Variants in CDKAL1 observed in about 807,000 individuals in gnomAD.
CDKAL1 encodes threonylcarbamoyladenosine tRNA methylthiotransferase.
Under a neutral mutation model 68.2 loss-of-function variants are expected in CDKAL1, and 32 were observed. That is an observed-to-expected ratio of 0.47 (90% CI 0.35 to 0.63). The LOEUF is 0.63. Among genes scored for constraint, CDKAL1 ranks in the 30% least tolerant of loss-of-function variants. The pLI is 0.00. For synonymous variants in CDKAL1, 234 were observed against 244.3 expected, an observed-to-expected ratio of 0.96 and a Z score of 0.39; for missense variants, 606 against 696.7, an observed-to-expected ratio of 0.87 and a Z score of 1.47.
intron 5 of CDKAL1, among the ~76,000 whole-genome samples, chr6:20,727,390 TAAG>T (rs889747392): frequency 5.9e-5 from 9 of 152,146 alleles, no homozygotes; most frequent in African/African-American, 2.2e-4. Flanking sequence ...GAATGTGACT[TAAG>T]GACACAGTTA....
intron 6 of CDKAL1, among the ~76,000 whole-genome samples, chr6:20,745,386 C>G (rs1454272323): frequency 6.6e-6 from 1 of 152,160 alleles, no homozygotes; most frequent in Non-Finnish European, 1.5e-5. Context: ...GAGGGCAAGG[C>G]TTGAGGAACG....
chr6:20,926,403 G>T (rs1763189250), intron 9 of CDKAL1, among the ~76,000 whole-genome samples: 1 of 151,926 alleles, frequency 6.6e-6, no homozygotes, highest in South Asian at 2.1e-4. Context: ...AGTGAAAATG[G>T]TTAAAAAAAG....
chr6:21,205,029 G>A (rs1778843162), intron 15 of CDKAL1, among the ~76,000 whole-genome samples: 1 of 152,118 alleles, frequency 6.6e-6, no homozygotes, highest in African/African-American at 2.4e-5. Context: ...CCTCATATCA[G>A]TGGAATCATA....
At chr6:20,571,220 C>T (rs545246086) in intron 4 of CDKAL1, among the ~76,000 whole-genome samples, 44 of 152,298 alleles carry the variant, frequency 2.9e-4, no homozygotes, top group Admixed American at 5.2e-4. Flanking sequence ...ACCTTGTGAT[C>T]TTAGTCAAGC....
intron 5 of CDKAL1, among the ~76,000 whole-genome samples, chr6:20,709,319 T>C (rs1246552183): frequency 1.3e-5 from 2 of 152,048 alleles, no homozygotes; most frequent in Admixed American, 6.6e-5. Flanking sequence ...TTTTAATAGA[T>C]TGAGCATCCC....
At chr6:20,853,539 T>C (rs1316510788) in intron 9 of CDKAL1, among the ~76,000 whole-genome samples, 1 of 152,198 alleles carries the variant, frequency 6.6e-6, no homozygotes, top group Non-Finnish European at 1.5e-5. Flanking sequence ...TGTTAATACA[T>C]ATTGTCAATC....
intron 4 of CDKAL1, among the ~76,000 whole-genome samples, chr6:20,617,277 AT>A (rs2127728872): frequency 1.5e-5 from 2 of 137,630 alleles, no homozygotes; most frequent in East Asian, 5.5e-4. Flanking sequence ...TGTCTAGATG[AT>A]TTTCCTAGGG....
chr6:20,812,450 G>A (rs1207436192), intron 8 of CDKAL1, among the ~76,000 whole-genome samples: 2 of 152,096 alleles, frequency 1.3e-5, no homozygotes, highest in African/African-American at 2.4e-5. Flanking sequence ...TCCGACTTAC[G>A]TATACGTCCA....
chr6:20,733,595 T>A (rs1773055675), intron 5 of CDKAL1, among the ~76,000 whole-genome samples: 2 of 152,254 alleles, frequency 1.3e-5, no homozygotes, highest in South Asian at 4.1e-4. Flanking sequence ...TTTGTGCAAA[T>A]GAAGGATTGA....
chr6:20,654,498 A>G (rs1768934116), intron 5 of CDKAL1, among the ~76,000 whole-genome samples: 1 of 151,778 alleles, frequency 6.6e-6, no homozygotes, highest in South Asian at 2.1e-4. Context: ...CTGTGTTCTT[A>G]TTGTTTAAGA....
intron 13 of CDKAL1, among the ~76,000 whole-genome samples, chr6:21,173,260 G>C (rs79672768): frequency 0.13 from 20,221 of 151,770 alleles, 1,601 homozygotes; most frequent in Non-Finnish European, 0.18. Flanking sequence ...GATGTTGTTG[G>C]AGTTGTTCCT....
intron 5 of CDKAL1, among the ~76,000 whole-genome samples, chr6:20,727,497 G>C (rs968614872): frequency 1.3e-5 from 2 of 152,134 alleles, no homozygotes; most frequent in Admixed American, 6.6e-5. Context: ...GCTTCTTGAG[G>C]GGGGTAAGTT....
intron 11 of CDKAL1, among the ~76,000 whole-genome samples, chr6:21,003,363 T>TATATATATATATAC (rs1176418429): frequency 1.7e-5 from 1 of 58,818 alleles, no homozygotes; most frequent in Non-Finnish European, 2.9e-5. Context: ...TATATATATA[T>TATATATATATATAC]ATATATATAC....
chr6:20,745,688 A>C (rs187349974), intron 6 of CDKAL1, among the ~76,000 whole-genome samples: 1 of 152,264 alleles, frequency 6.6e-6, no homozygotes, highest in African/African-American at 2.4e-5. Flanking sequence ...GCTGATCTCA[A>C]ATTCTCGGCT....
At chr6:21,163,828 G>A (rs1582333768) in intron 13 of CDKAL1, among the ~76,000 whole-genome samples, 1 of 152,198 alleles carries the variant, frequency 6.6e-6, no homozygotes, top group East Asian at 1.9e-4. Flanking sequence ...GGTGCATCCT[G>A]TAATCTCAGC....
At chr6:20,831,122 A>G (rs1195714897) in intron 8 of CDKAL1, among the ~76,000 whole-genome samples, 3 of 152,182 alleles carry the variant, frequency 2.0e-5, no homozygotes, top group Non-Finnish European at 4.4e-5. Flanking sequence ...ACTAGGCTCA[A>G]ACACACCTTT....
intron 5 of CDKAL1, among the ~76,000 whole-genome samples, chr6:20,701,068 T>A (rs1404479083): frequency 2.0e-5 from 3 of 152,302 alleles, no homozygotes; most frequent in Non-Finnish European, 4.4e-5. Context: ...AAAATTTCGA[T>A]GAGATTTTAT....
In CDKAL1 at chr6:20,739,632, T is replaced by C; in HGVS notation, c.468+17T>C. On this transcript the variant is annotated intron_variant, in intron 6 of 15. Coordinates refer to ENST00000274695, the MANE Select transcript of CDKAL1 (RefSeq NM_017774.3). ...ATCATTGGGGTAAGCTTGTACCTGA[T>C]GCAAAAAGAGAAAATCTTACATTGT... The C allele has an allele frequency of 6.9e-7, 1 of 1,449,750 alleles. No individual in the cohort carries two copies. Among genetic ancestry groups the C allele is most frequent in the Non-Finnish European group, 9.5e-7 (1 of 1,048,240 alleles). 89.8% of individuals were successfully genotyped at this position (1,449,750 alleles called of 1,614,324 possible). A position where few individuals can be genotyped will look rare whatever the true frequency, so the allele number is the denominator to read the frequency against.
chr6:20,764,093 C>G (rs1774589815), intron 7 of CDKAL1, among the ~76,000 whole-genome samples: 1 of 151,928 alleles, frequency 6.6e-6, no homozygotes, highest in Admixed American at 6.6e-5. Flanking sequence ...TGTATGAAAA[C>G]TATGAAAGGA....
Sources: gnomAD v4.1 joint callset for allele counts (sites outside exome capture counted in the v4.1 genomes callset) on GRCh38, gnomAD v4.1.1 for gene constraint, MANE v1.5 for transcripts, NCBI Gene and HGNC (gene_info 2026-07-23, HGNC 2026-07-21) for gene names.